PLCE1: variants seen among roughly 807,000 people sequenced by gnomAD.
The protein encoded by PLCE1 is phospholipase C epsilon 1, also known as 1-phosphatidylinositol 4,5-bisphosphate phosphodiesterase epsilon-1.
Under a neutral mutation model 242.8 loss-of-function variants are expected in PLCE1, and 119 were observed. The observed-to-expected ratio is 0.49, with a 90% CI of 0.42 to 0.57. The LOEUF (loss-of-function observed/expected upper bound fraction) is 0.57. Among genes scored for constraint, PLCE1 ranks in the 20% least tolerant of loss-of-function variants. The pLI is 0.00. For missense variants in PLCE1, 2,441 were observed against 2,788.8 expected (o/e 0.88, Z 2.81); for synonymous variants, 945 against 1,017.4 (o/e 0.93, Z 1.35).
At chr10:94,289,686 A>G (rs1403089923) in intron 22 of PLCE1, among the ~76,000 whole-genome samples, 4 of 152,208 alleles carry the variant, frequency 2.6e-5, no homozygotes, top group Non-Finnish European at 5.9e-5. Context: ...AAATTATGAC[A>G]TAAAAGATTT....
chr10:94,283,821 A>C lies in PLCE1; in HGVS notation c.4827A>C (p.Lys1609Asn), dbSNP rs1288527473. 6 of 1,612,250 alleles carry C rather than the reference A, an allele frequency of 3.7e-6. No individual in the cohort carries two copies. The highest frequency in any genetic ancestry group is 5.1e-6 in the Non-Finnish European group (6 of 1,178,754). ...TTCTGGAAGACAGACCTGAAAATAA[A>C]TCATGTAATGACAAGCTTCAGTTTG... is the stretch of plus-strand genomic sequence containing the variant. ...DNILEDRPEN[K>N]SCNDKLQFEY... Residue 1609 changes from lysine (K) to asparagine (N), a missense_variant, in exon 21 of 33, where the codon AAA becomes AAC. Lys to Asn is a moderately conservative substitution (Grantham distance 94, BLOSUM62 0). Transcript: ENST00000371380.
intron 19 of PLCE1, among the ~76,000 whole-genome samples, chr10:94,275,505 T>C (rs570479041): frequency 1.3e-5 from 2 of 152,318 alleles, no homozygotes; most frequent in South Asian, 2.1e-4. Flanking sequence ...ATTTGAACTT[T>C]AAACCTTTGT....
chr10:94,063,997 A>T (rs1337433946), intron 2 of PLCE1, among the ~76,000 whole-genome samples: 1 of 152,124 alleles, frequency 6.6e-6, no homozygotes, highest in Non-Finnish European at 1.5e-5. Context: ...CAGGAGCAGG[A>T]GTAGGGGGAG....
intron 3 of PLCE1, among the ~76,000 whole-genome samples, chr10:94,156,709 G>C (rs774277158): frequency 6.6e-6 from 1 of 151,998 alleles, no homozygotes; most frequent in Non-Finnish European, 1.5e-5. Flanking sequence ...TGGTGGGTGG[G>C]GCTTAAACTT....
At chr10:94,235,194 T>C (rs2050280260) in intron 6 of PLCE1, among the ~76,000 whole-genome samples, 1 of 151,932 alleles carries the variant, frequency 6.6e-6, no homozygotes. Context: ...TCACCTGATA[T>C]CAGAAAGACT....
In PLCE1 at chr10:94,254,318, A is replaced by C. The variant is rs2050988608; in HGVS notation, c.3397+11A>C. On this transcript the variant is annotated intron_variant, in intron 10 of 32. Transcript: ENST00000371380. ...AACAAGAAGAATCAGGTAAAGCGGCATGTTTACATCTGAGATTTTTGTTTT... is the reference window on the plus strand; with the variant it reads ...AACAAGAAGAATCAGGTAAAGCGGCCTGTTTACATCTGAGATTTTTGTTTT... 1 of 1,550,062 alleles carries C rather than the reference A, an allele frequency of 6.5e-7. No homozygotes were observed. The highest frequency in any genetic ancestry group is 8.9e-7 in the Non-Finnish European group (1 of 1,121,474).
chr10:94,043,029 C>T (rs2061799355), intron 2 of PLCE1, among the ~76,000 whole-genome samples: 2 of 152,122 alleles, frequency 1.3e-5, no homozygotes, highest in Non-Finnish European at 2.9e-5. Context: ...ATAATCACAC[C>T]ATTAGAATGA....
At chr10:94,168,142 A>G (rs2047866301) in intron 3 of PLCE1, among the ~76,000 whole-genome samples, 1 of 152,202 alleles carries the variant, frequency 6.6e-6, no homozygotes. Context: ...CAGGGGTCCT[A>G]GAGCTACTCG....
intron 2 of PLCE1, among the ~76,000 whole-genome samples, chr10:94,056,195 T>C (rs1564652249): frequency 1.3e-5 from 2 of 152,212 alleles, no homozygotes; most frequent in Non-Finnish European, 2.9e-5. Flanking sequence ...CTCTTGTGTT[T>C]AAATTTATAC....
intron 2 of PLCE1, among the ~76,000 whole-genome samples, chr10:94,044,950 C>CT (rs1372907048): frequency 6.6e-6 from 1 of 152,044 alleles, no homozygotes; most frequent in Non-Finnish European, 1.5e-5. Context: ...TATTTGGTAA[C>CT]TTTACGAACT....
At chr10:94,151,960 T>C (rs1221409348) in intron 3 of PLCE1, among the ~76,000 whole-genome samples, 1 of 151,954 alleles carries the variant, frequency 6.6e-6, no homozygotes, top group Non-Finnish European at 1.5e-5. Context: ...GCTAGCCATA[T>C]AAAGAAGAAT....
intron 2 of PLCE1, among the ~76,000 whole-genome samples, chr10:94,118,576 A>G (rs1403787736): frequency 1.3e-5 from 2 of 152,172 alleles, no homozygotes; most frequent in Non-Finnish European, 2.9e-5. Flanking sequence ...TGATGGTTTT[A>G]AAAATGGGAG....
At chr10:94,179,512 G>GTTTTTTTTTTTTTTATTTTTTTTTTTTT (rs2048230433) in intron 4 of PLCE1, among the ~76,000 whole-genome samples, 1 of 19,398 alleles carries the variant, frequency 5.2e-5, no homozygotes, top group African/African-American at 1.6e-4. Flanking sequence ...TTTTAGTTTA[G>GTTTTTTTTTTTTTTATTTTTTTTTTTTT]TTTTTTTTTT....
intron 4 of PLCE1, among the ~76,000 whole-genome samples, chr10:94,206,934 G>C (rs1260985443): frequency 6.6e-6 from 1 of 152,152 alleles, no homozygotes; most frequent in Non-Finnish European, 1.5e-5. Flanking sequence ...ATGCACACAC[G>C]TACATACAAT....
chr10:94,239,447 G>A (rs900771813), intron 7 of PLCE1, among the ~76,000 whole-genome samples: 3 of 152,138 alleles, frequency 2.0e-5, no homozygotes, highest in Admixed American at 2.0e-4. Context: ...CCCCTTCACC[G>A]TCCACCATGA....
intron 2 of PLCE1, among the ~76,000 whole-genome samples, chr10:94,103,257 T>C (rs2045604962): frequency 6.6e-6 from 1 of 152,156 alleles, no homozygotes; most frequent in South Asian, 2.1e-4. Context: ...ATAGGCAAAC[T>C]GAGGCTTATT....
At chr10:94,109,651 G>A (rs1421224276) in intron 2 of PLCE1, among the ~76,000 whole-genome samples, 2 of 152,030 alleles carry the variant, frequency 1.3e-5, no homozygotes, top group South Asian at 2.1e-4. Flanking sequence ...ATACAATAAA[G>A]CTAAACTTCC....
chr10:94,013,216 A>C (rs775633882), intron 1 of PLCE1, among the ~76,000 whole-genome samples: 3 of 152,186 alleles, frequency 2.0e-5, no homozygotes, highest in African/African-American at 4.8e-5. Flanking sequence ...CTCACCTTGT[A>C]ATAATTTGGT....
At chr10:94,195,062 C>T (rs1265015013) in intron 4 of PLCE1, among the ~76,000 whole-genome samples, 1 of 152,018 alleles carries the variant, frequency 6.6e-6, no homozygotes, top group East Asian at 1.9e-4. Context: ...GGAACTTTAT[C>T]TAAAGTAAAG....
Sources: gnomAD v4.1 joint callset for allele counts (sites outside exome capture counted in the v4.1 genomes callset) on GRCh38, gnomAD v4.1.1 for gene constraint, MANE v1.5 for transcripts, NCBI Gene and HGNC (gene_info 2026-07-23, HGNC 2026-07-21) for gene names.